The following WDSUB1 variants were observed in gnomAD, a reference collection of about 807,000 sequenced individuals.
WDSUB1 encodes WD repeat, SAM and U-box domain-containing protein 1.
In WDSUB1, 49 loss-of-function variants were observed where a neutral mutation model predicts 53.9. The ratio of observed to expected loss-of-function variants is 0.91; its 90% CI spans 0.72 to 1.15. WDSUB1 has a LOEUF of 1.15. WDSUB1 is among the 50% of genes most tolerant of loss of function. The pLI, the probability that WDSUB1 is intolerant of heterozygous loss-of-function variation, is 0.00. For missense variants in WDSUB1, 514 were observed against 562.0 expected (o/e 0.91, Z 0.86); for synonymous variants, 194 against 200.6 (o/e 0.97, Z 0.28).
chr2:159,236,404 A>C (rs36013451), intron 10 of WDSUB1, among the ~76,000 whole-genome samples: 53,484 of 152,118 alleles, frequency 0.35, 12,395 homozygotes, highest in Non-Finnish European at 0.54. Context: ...ATTGCCCAGA[A>C]GAGTAACATT....
intron 1 of WDSUB1, among the ~76,000 whole-genome samples, chr2:159,283,661 CA>C (rs112252070): frequency 2.4e-3 from 164 of 67,752 alleles, no homozygotes; most frequent in East Asian, 2.9e-3. Flanking sequence ...GCTCCGCCTT[CA>C]AAAAAAAAAA....
At chr2:159,237,036 A>C (rs1177819836) in intron 10 of WDSUB1, among the ~76,000 whole-genome samples, 1 of 152,198 alleles carries the variant, frequency 6.6e-6, no homozygotes, top group African/African-American at 2.4e-5. Context: ...CTCAAGCTGA[A>C]AATCTTGGTT....
At chr2:159,260,661 G>A (rs2061169817) in intron 5 of WDSUB1, among the ~76,000 whole-genome samples, 1 of 152,056 alleles carries the variant, frequency 6.6e-6, no homozygotes, top group Non-Finnish European at 1.5e-5. Context: ...CAGACATCTG[G>A]GGTTATGCTA....
chr2:159,285,290 A>G lies in WDSUB1; in HGVS notation c.-25+1293T>C, dbSNP rs569084948. On this transcript the variant is annotated intron_variant, in intron 1 of 10. Coordinates refer to ENST00000359774, the MANE Select transcript of WDSUB1 (RefSeq NM_001128212.3). ...ATATATATACACACACAGAAACATAACTGACGGTGGAAAACTGGTGTCAAG... is the reference window on the plus strand; with the variant it reads ...ATATATATACACACACAGAAACATAGCTGACGGTGGAAAACTGGTGTCAAG... 7.2e-5 allele frequency among the ~76,000 whole-genome samples: 11 copies of G among 152,312 alleles called. No homozygotes were observed. In the East Asian group the frequency reaches 2.1e-3, roughly 29 times the overall value.
chr2:159,255,816 A>G (rs1179529821), intron 9 of WDSUB1, among the ~76,000 whole-genome samples: 2 of 152,210 alleles, frequency 1.3e-5, no homozygotes, highest in Non-Finnish European at 2.9e-5. Flanking sequence ...AGTGTCTGGC[A>G]ATTATGTTTA....
chr2:159,252,004 C>CAGCACGAG (rs2060960976), intron 9 of WDSUB1, among the ~76,000 whole-genome samples: 1 of 152,150 alleles, frequency 6.6e-6, no homozygotes, highest in Non-Finnish European at 1.5e-5. Context: ...GTTACCAAGA[C>CAGCACGAG]AGCACGAGAG....
Position 159,271,765 on chromosome 2 carries a change from C to T in WDSUB1, c.707G>A (p.Ser236Asn). 1 of 1,614,146 alleles carries T rather than the reference C, an allele frequency of 6.2e-7. No homozygotes were observed. Among genetic ancestry groups the T allele is most frequent in the Non-Finnish European group, 8.5e-7 (1 of 1,179,976 alleles). Residue 236 changes from serine to asparagine, a missense_variant, in exon 5 of 11, where the codon AGT becomes AAT. Physicochemically the swap from Ser to Asn is conservative, Grantham distance 46. Transcript: ENST00000359774. ...AGCCAGAACAGGAGCACAGTGCCCA[C>T]TCAGTGTACTTTTATATTTTAATTC... ...GFELKYKSTL[S>N]GHCAPVLACA...
chr2:159,242,432 G>A (rs140723653), intron 10 of WDSUB1, among the ~76,000 whole-genome samples: 4,736 of 146,260 alleles, frequency 0.032, 218 homozygotes, highest in Middle Eastern at 0.081. Flanking sequence ...TTTGGGAGGC[G>A]GGCAGATCAC....
At chr2:159,270,379 T>C (rs1182361636) in intron 5 of WDSUB1, among the ~76,000 whole-genome samples, 2 of 152,166 alleles carry the variant, frequency 1.3e-5, no homozygotes, top group East Asian at 1.9e-4. Context: ...GAGACAGGAA[T>C]TGGGGCAATT....
At chr2:159,250,895 T>C (rs939596032) in intron 9 of WDSUB1, among the ~76,000 whole-genome samples, 1 of 152,124 alleles carries the variant, frequency 6.6e-6, no homozygotes, top group Non-Finnish European at 1.5e-5. Context: ...CTTCAAAAAC[T>C]GTCATAAATG....
At chr2:159,256,092 T>C (rs1395192948) in intron 9 of WDSUB1, 104 bp downstream of exon 9, 8 of 1,056,316 alleles carry the variant, frequency 7.6e-6, no homozygotes, top group Non-Finnish European at 9.4e-6. Context: ...GTCATTAGTG[T>C]AGTGCCAGAA....
intron 6 of WDSUB1, among the ~76,000 whole-genome samples, chr2:159,259,256 C>A (rs1431719214): frequency 3.9e-5 from 6 of 152,206 alleles, no homozygotes; most frequent in Non-Finnish European, 7.3e-5. Context: ...AACTCCTGGA[C>A]TCAAGCCATC....
rs79683047 is a variant in WDSUB1, at chr2:159,267,224, G to A, written c.770+4478C>T. ...TCCTCAATCTTCCCATATCTGCATA[G>A]AAATTCTATACTGCCTTTTCCAAGG... is the stretch of plus-strand genomic sequence containing the variant. On this transcript the variant is annotated intron_variant, in intron 5 of 10. Coordinates refer to ENST00000359774, the MANE Select transcript of WDSUB1 (RefSeq NM_001128212.3). 1.1e-3 allele frequency among the ~76,000 whole-genome samples: 167 copies of A among 152,006 alleles called. 2 individuals are homozygous for A. In the East Asian group the frequency reaches 0.03, roughly 28 times the overall value.
chr2:159,241,355 AG>A (rs2060641844), intron 10 of WDSUB1, among the ~76,000 whole-genome samples: 1 of 152,226 alleles, frequency 6.6e-6, no homozygotes, highest in Admixed American at 6.5e-5. Flanking sequence ...TGAGGTCAGG[AG>A]TTCAAGACCA....
At chr2:159,280,322 AAAGGT>A (rs1342937069) in intron 2 of WDSUB1, among the ~76,000 whole-genome samples, 1 of 152,232 alleles carries the variant, frequency 6.6e-6, no homozygotes. Context: ...ATTTTTTAAA[AAAGGT>A]AAGATAAAAC....
chr2:159,245,460 G>A, intron 10 of WDSUB1, among the ~76,000 whole-genome samples: 1 of 151,620 alleles, frequency 6.6e-6, no homozygotes, highest in Non-Finnish European at 1.5e-5. Context: ...GTGAACCCGG[G>A]AGGCGGAGGT....
In WDSUB1 at chr2:159,257,999, A is replaced by G. The variant is rs752369848; in HGVS notation, c.805-14T>C. On this transcript the variant is annotated splice_polypyrimidine_tract_variant and intron_variant, in intron 6 of 10. Coordinates refer to ENST00000359774, the MANE Select transcript of WDSUB1 (RefSeq NM_001128212.3). ...ATTCTCAGTATTCTGAAAAACAATA[A>G]AAACAGCTTTAAATTTACTCAAGTA... 6.2e-7 allele frequency: 1 copy of G among 1,611,240 alleles called. No homozygotes were observed.
intron 10 of WDSUB1, among the ~76,000 whole-genome samples, chr2:159,237,176 G>C (rs1428976094): frequency 1.3e-5 from 2 of 152,174 alleles, no homozygotes; most frequent in African/African-American, 2.4e-5. Context: ...TCAAGGACTA[G>C]AGTGGTCCCA....
chr2:159,241,019 G>A (rs775217249), intron 10 of WDSUB1, among the ~76,000 whole-genome samples: 5 of 152,152 alleles, frequency 3.3e-5, no homozygotes, highest in African/African-American at 1.2e-4. Flanking sequence ...AAAAGTCTAC[G>A]ATGACAAATA....
Sources: gnomAD v4.1 joint callset for allele counts (sites outside exome capture counted in the v4.1 genomes callset) on GRCh38, gnomAD v4.1.1 for gene constraint, MANE v1.5 for transcripts, NCBI Gene and HGNC (gene_info 2026-07-23, HGNC 2026-07-21) for gene names.